Variants in PDE4D observed in about 807,000 individuals in gnomAD.
PDE4D encodes the protein 3',5'-cyclic-AMP phosphodiesterase 4D.
A neutral mutation model predicts 87.4 loss-of-function variants in PDE4D; 24 were observed. The ratio of observed to expected loss-of-function variants is 0.27; its 90% CI spans 0.20 to 0.39. The LOEUF is 0.39. PDE4D is among the 10% of genes least tolerant of loss of function. The pLI, the probability that PDE4D is intolerant of heterozygous loss-of-function variation, is 1.00. For missense variants in PDE4D, 714 were observed against 1,041.0 expected (o/e 0.69, Z 4.32); for synonymous variants, 384 against 383.2 (o/e 1.00, Z -0.02).
At chr5:59,804,521 G>A (rs145513687) in intron 1 of PDE4D, among the ~76,000 whole-genome samples, 161 of 152,288 alleles carry the variant, frequency 1.1e-3, no homozygotes, top group African/African-American at 3.8e-3. Flanking sequence ...CCCTTTGGGT[G>A]AATACCCAGT....
Position 59,717,756 on chromosome 5 carries a change from T to C in PDE4D, c.455+175412A>G, listed in dbSNP as rs117256427. Among the ~76,000 whole-genome samples, 194 of 152,258 alleles carry C rather than the reference T, an allele frequency of 1.3e-3. 2 individuals carry two copies. The East Asian group carries it at 0.036, about 28-fold the overall frequency. Reference sequence around the variant, plus strand: ...CACAGACAAGCCCTTGACAAAACAATAATAGTGGCAAGAGCCAACAATAGA... The same window carrying C: ...CACAGACAAGCCCTTGACAAAACAACAATAGTGGCAAGAGCCAACAATAGA... On this transcript the variant is annotated intron_variant, in intron 1 of 14. Coordinates refer to ENST00000340635, the MANE Select transcript of PDE4D (RefSeq NM_001104631.2).
intron 5 of PDE4D, among the ~76,000 whole-genome samples, chr5:59,118,538 C>CA (rs1364784239): frequency 3.3e-5 from 5 of 151,830 alleles, no homozygotes; most frequent in East Asian, 3.9e-4. Context: ...ATTGATTACT[C>CA]AAAAAAAATA....
intron 1 of PDE4D, among the ~76,000 whole-genome samples, chr5:60,433,439 G>T (rs529550837): frequency 3.3e-5 from 5 of 152,318 alleles, no homozygotes; most frequent in Admixed American, 3.3e-4. Flanking sequence ...TGGTGATACT[G>T]CAAAGAAAAG....
chr5:59,693,848 G>A lies in PDE4D; in HGVS notation c.455+199320C>T, dbSNP rs532267181. Reference sequence around the variant, plus strand: ...TCTAAATAAGATTCACTTTCAATAAGCTCGGAGTAGTCTATGGATTAGGAT... The same window carrying A: ...TCTAAATAAGATTCACTTTCAATAAACTCGGAGTAGTCTATGGATTAGGAT... On this transcript the variant is annotated intron_variant, in intron 1 of 14. Coordinates refer to ENST00000340635, the MANE Select transcript of PDE4D (RefSeq NM_001104631.2). Among the ~76,000 whole-genome samples, 7 of 152,276 alleles carry A rather than the reference G, an allele frequency of 4.6e-5. No homozygotes were observed. The South Asian group carries it at 1.2e-3, about 27-fold the overall frequency.
chr5:59,129,024 C>T (rs1775909048), intron 5 of PDE4D, among the ~76,000 whole-genome samples: 1 of 152,184 alleles, frequency 6.6e-6, no homozygotes, highest in South Asian at 2.1e-4. Context: ...CAACACATAG[C>T]TCCTGATTAT....
chr5:59,599,587 T>C (rs904108746), intron 1 of PDE4D, among the ~76,000 whole-genome samples: 19 of 152,122 alleles, frequency 1.2e-4, no homozygotes, highest in African/African-American at 3.9e-4. Flanking sequence ...CTGGGTACTG[T>C]TAGGCAATAG....
intron 1 of PDE4D, among the ~76,000 whole-genome samples, chr5:59,386,284 T>C (rs1023748785): frequency 6.6e-6 from 1 of 152,122 alleles, no homozygotes; most frequent in African/African-American, 2.4e-5. Context: ...ATACTAGTTT[T>C]TGAGATGTTA....
intron 1 of PDE4D, among the ~76,000 whole-genome samples, chr5:59,659,866 A>G (rs1744958601): frequency 6.6e-6 from 1 of 152,142 alleles, no homozygotes; most frequent in South Asian, 2.1e-4. Context: ...ACTCTCTCAT[A>G]ACAAACTTGA....
At chr5:60,267,878 G>A (rs964861283) in intron 1 of PDE4D, among the ~76,000 whole-genome samples, 4 of 152,136 alleles carry the variant, frequency 2.6e-5, no homozygotes, top group South Asian at 4.1e-4. Context: ...TTATCAGGGC[G>A]CTGTAGGAGT....
At chr5:59,290,415 A>G (rs1024271185) in intron 1 of PDE4D, among the ~76,000 whole-genome samples, 3 of 152,116 alleles carry the variant, frequency 2.0e-5, no homozygotes, top group Non-Finnish European at 2.9e-5. Flanking sequence ...GCCATATACA[A>G]AAATCAAGTC....
intron 1 of PDE4D, among the ~76,000 whole-genome samples, chr5:60,406,681 GTTTCTTT>G (rs1337116133): frequency 6.6e-6 from 1 of 152,072 alleles, no homozygotes; most frequent in Admixed American, 6.6e-5. Flanking sequence ...TTACAATTGT[GTTTCTTT>G]ATTTTATTCC....
At chr5:60,430,528 G>GTTT (rs1561247511) in intron 1 of PDE4D, among the ~76,000 whole-genome samples, 1 of 118,466 alleles carries the variant, frequency 8.4e-6, no homozygotes, top group African/African-American at 4.1e-5. Flanking sequence ...TTTTTTGTTT[G>GTTT]TGTTTTGTTT....
At chr5:59,544,410 A>G (rs1816914251) in intron 1 of PDE4D, among the ~76,000 whole-genome samples, 1 of 152,192 alleles carries the variant, frequency 6.6e-6, no homozygotes, top group East Asian at 1.9e-4. Flanking sequence ...GAGCACTTCT[A>G]TTCTGACATG....
chr5:59,094,921 T>C (rs1487317778), intron 5 of PDE4D, among the ~76,000 whole-genome samples: 3 of 152,024 alleles, frequency 2.0e-5, no homozygotes, highest in Non-Finnish European at 4.4e-5. Flanking sequence ...TCCTGAGACT[T>C]CTTTTTCACT....
intron 1 of PDE4D, among the ~76,000 whole-genome samples, chr5:59,573,807 G>A (rs910821422): frequency 4.6e-5 from 7 of 151,090 alleles, no homozygotes; most frequent in Admixed American, 6.6e-5. Flanking sequence ...AGACCAGCCA[G>A]GCCAACATGG....
At chr5:59,673,468 C>A (rs1747553540) in intron 1 of PDE4D, among the ~76,000 whole-genome samples, 1 of 152,182 alleles carries the variant, frequency 6.6e-6, no homozygotes. Context: ...CCAATCGTTA[C>A]TCCCTTTTTG....
chr5:60,237,976 C>T lies in PDE4D; in HGVS notation c.-89-52289G>A, dbSNP rs1409015175. ...ATCCTTCCCTCTCTGAGCCCATTTA[C>T]CTCCTTCCCTACCTCCCTTCACAGA... On this transcript the variant is annotated intron_variant, in intron 1 of 16. Transcript: ENST00000502484. Among the ~76,000 whole-genome samples the T allele has an allele frequency of 3.3e-5, 5 of 151,992 alleles. No homozygotes were observed. The East Asian group carries it at 9.7e-4, about 29-fold the overall frequency.
chr5:60,045,174 T>C (rs1456971768), intron 2 of PDE4D, among the ~76,000 whole-genome samples: 1 of 151,896 alleles, frequency 6.6e-6, no homozygotes, highest in African/African-American at 2.4e-5. Context: ...TTTTGAGAAG[T>C]GTCTGTTCAT....
intron 1 of PDE4D, among the ~76,000 whole-genome samples, chr5:59,359,762 G>A (rs193195277): frequency 6.6e-5 from 10 of 152,236 alleles, no homozygotes; most frequent in East Asian, 3.9e-4. Context: ...TTTATTAAGC[G>A]TTTATTTTTC....
Sources: gnomAD v4.1 joint callset for allele counts (sites outside exome capture counted in the v4.1 genomes callset) on GRCh38, gnomAD v4.1.1 for gene constraint, MANE v1.5 for transcripts, NCBI Gene and HGNC (gene_info 2026-07-23, HGNC 2026-07-21) for gene names.